DPP10: variants seen among roughly 807,000 people sequenced by gnomAD.
DPP10 encodes dipeptidyl peptidase like 10, also known as inactive dipeptidyl peptidase 10.
Under a neutral mutation model 120.9 loss-of-function variants are expected in DPP10, and 33 were observed. That is an observed-to-expected ratio of 0.27 (90% CI 0.21 to 0.37). The LOEUF (loss-of-function observed/expected upper bound fraction) is 0.37. Ranked by LOEUF, DPP10 falls within the 10% of genes least tolerant of loss-of-function variation. The pLI is 1.00. For missense variants in DPP10, 816 were observed against 942.8 expected (o/e 0.87, Z 1.76); for synonymous variants, 337 against 326.1 (o/e 1.03, Z -0.36).
At chr2:115,059,356 T>C (rs1706206100) in intron 1 of DPP10, among the ~76,000 whole-genome samples, 1 of 150,220 alleles carries the variant, frequency 6.7e-6, no homozygotes, top group African/African-American at 2.4e-5. Context: ...GTATTTCTTT[T>C]TTTTTTTTTT....
intron 1 of DPP10, among the ~76,000 whole-genome samples, chr2:114,731,936 G>A (rs1282185290): frequency 6.6e-6 from 1 of 152,146 alleles, no homozygotes; most frequent in Admixed American, 6.5e-5. Context: ...TCAGTAGGAT[G>A]AGCCTGGTCA....
chr2:115,639,960 A>ATTTT (rs35714070), intron 5 of DPP10, among the ~76,000 whole-genome samples: 1 of 143,218 alleles, frequency 7.0e-6, no homozygotes. Flanking sequence ...CATACAGTAG[A>ATTTT]TTTTTTTTTT....
At chr2:114,875,871 G>A (rs1691107135) in intron 1 of DPP10, among the ~76,000 whole-genome samples, 1 of 151,956 alleles carries the variant, frequency 6.6e-6, no homozygotes. Flanking sequence ...AAATAGACAA[G>A]GGCATCTTTA....
chr2:114,550,800 A>G (rs1288054266), intron 1 of DPP10, among the ~76,000 whole-genome samples: 1 of 152,194 alleles, frequency 6.6e-6, no homozygotes, highest in East Asian at 1.9e-4. Flanking sequence ...TCTCAAGGTT[A>G]GGGACAGTTT....
intron 1 of DPP10, among the ~76,000 whole-genome samples, chr2:114,611,867 A>C (rs1693311326): frequency 6.6e-6 from 1 of 152,190 alleles, no homozygotes. Flanking sequence ...TTCTACCACT[A>C]GCTCAGGGCA....
intron 1 of DPP10, among the ~76,000 whole-genome samples, chr2:114,870,568 G>T (rs1690614884): frequency 1.2e-5 from 1 of 82,736 alleles, no homozygotes; most frequent in Admixed American, 1.4e-4. Flanking sequence ...TTGGCTGAAG[G>T]ACACATATAA....
In DPP10 at chr2:115,018,585, G is replaced by A. The variant is rs1036429407; in HGVS notation, c.61-290654G>A. ...AGGGACATGGATGAAACTGGAAACCGTCATTCTCAGCAAACTAACACAGGA... is the reference window on the plus strand; with the variant it reads ...AGGGACATGGATGAAACTGGAAACCATCATTCTCAGCAAACTAACACAGGA... On this transcript the variant is annotated intron_variant, in intron 1 of 25. Coordinates refer to ENST00000410059, the MANE Select transcript of DPP10 (RefSeq NM_020868.6). Among the ~76,000 whole-genome samples, 20 of 152,130 alleles carry A rather than the reference G, an allele frequency of 1.3e-4. No individual in the cohort carries two copies. In the East Asian group the frequency reaches 2.5e-3, roughly 19 times the overall value.
chr2:114,890,468 G>A (rs1320467169), intron 1 of DPP10, among the ~76,000 whole-genome samples: 1 of 152,106 alleles, frequency 6.6e-6, no homozygotes, highest in Non-Finnish European at 1.5e-5. Flanking sequence ...AGAAATGCTT[G>A]AACTAGAACA....
At chr2:114,750,562 T>C (rs564036570) in intron 1 of DPP10, among the ~76,000 whole-genome samples, 1 of 152,156 alleles carries the variant, frequency 6.6e-6, no homozygotes, top group African/African-American at 2.4e-5. Flanking sequence ...CTCGATCTCC[T>C]AACCTCGTGA....
At chr2:115,191,056 C>G (rs1276407917) in intron 1 of DPP10, among the ~76,000 whole-genome samples, 1 of 152,116 alleles carries the variant, frequency 6.6e-6, no homozygotes, top group Non-Finnish European at 1.5e-5. Flanking sequence ...TGGGGTCCTT[C>G]CCTGAGACTT....
rs115070801 is a variant in DPP10, at chr2:115,713,971, T to G, written c.577-13845T>G. ...TTCTCCTCAGTCACATTAAATCTTTTCAAGAGTTATGATGCCGAGTCATCA... is the reference window on the plus strand; with the variant it reads ...TTCTCCTCAGTCACATTAAATCTTTGCAAGAGTTATGATGCCGAGTCATCA... On this transcript the variant is annotated intron_variant, in intron 7 of 25. Coordinates refer to ENST00000410059, the MANE Select transcript of DPP10 (RefSeq NM_020868.6). Among the ~76,000 whole-genome samples the G allele has an allele frequency of 4.3e-3, 651 of 152,326 alleles. 6 individuals carry two copies. The highest frequency in any genetic ancestry group is 0.015 in the African/African-American group (627 of 41,578).
intron 1 of DPP10, among the ~76,000 whole-genome samples, chr2:115,025,612 A>T (rs1703403132): frequency 6.6e-6 from 1 of 152,132 alleles, no homozygotes. Flanking sequence ...AATAATTTAC[A>T]TTCCCACCAA....
chr2:115,079,134 A>C (rs974080271), intron 1 of DPP10, among the ~76,000 whole-genome samples: 1 of 152,210 alleles, frequency 6.6e-6, no homozygotes, highest in East Asian at 1.9e-4. Context: ...TAATCCCAGC[A>C]CTTTGGGGCG....
chr2:115,095,572 TG>T (rs796179837), intron 1 of DPP10, among the ~76,000 whole-genome samples: 2 of 124,240 alleles, frequency 1.6e-5, no homozygotes, highest in Non-Finnish European at 3.2e-5. Flanking sequence ...CAATTCTGTT[TG>T]GTTTTTTTTT....
chr2:114,911,741 T>A (rs1694383561), intron 1 of DPP10, among the ~76,000 whole-genome samples: 1 of 152,178 alleles, frequency 6.6e-6, no homozygotes, highest in Admixed American at 6.5e-5. Context: ...TAAATCATAC[T>A]GAGCTTTGGG....
At chr2:115,578,955 A>G (rs904141113) in intron 5 of DPP10, among the ~76,000 whole-genome samples, 7 of 152,304 alleles carry the variant, frequency 4.6e-5, no homozygotes, top group African/African-American at 1.7e-4. Context: ...GGAAACCTAC[A>G]CAATATCAAG....
At chr2:115,440,124 T>C (rs576451587) in intron 3 of DPP10, among the ~76,000 whole-genome samples, 1 of 152,128 alleles carries the variant, frequency 6.6e-6, no homozygotes, top group African/African-American at 2.4e-5. Context: ...CTTGGAGGAA[T>C]TTGTAATAGA....
chr2:115,301,503 T>G (rs1445219372), intron 1 of DPP10, among the ~76,000 whole-genome samples: 1 of 151,458 alleles, frequency 6.6e-6, no homozygotes, highest in Non-Finnish European at 1.5e-5. Context: ...GCACTCACTG[T>G]TCCAAGGTGG....
intron 15 of DPP10, among the ~76,000 whole-genome samples, chr2:115,779,674 T>G (rs2149858300): frequency 6.6e-6 from 1 of 152,132 alleles, no homozygotes; most frequent in African/African-American, 2.4e-5. Context: ...AGCTTTTCTG[T>G]GGTGAAAATT....
Sources: gnomAD v4.1 joint callset for allele counts (sites outside exome capture counted in the v4.1 genomes callset) on GRCh38, gnomAD v4.1.1 for gene constraint, MANE v1.5 for transcripts, NCBI Gene and HGNC (gene_info 2026-07-23, HGNC 2026-07-21) for gene names.